Variants in CREBBP observed in about 807,000 individuals in gnomAD.
The protein encoded by CREBBP is CREB-binding protein.
In CREBBP, 19 loss-of-function variants were observed where a neutral mutation model predicts 265.0. The ratio of observed to expected loss-of-function variants is 0.07; its 90% confidence interval spans 0.05 to 0.11. CREBBP has a LOEUF of 0.11. Ranked by LOEUF, CREBBP falls within the 10% of genes least tolerant of loss-of-function variation. The pLI, the probability that CREBBP is intolerant of heterozygous loss-of-function variation, is 1.00. For missense variants in CREBBP, 2,525 were observed against 3,219.0 expected, an observed-to-expected ratio of 0.78 and a Z score of 5.22; for synonymous variants, 1,457 against 1,223.7, an observed-to-expected ratio of 1.19 and a Z score of -3.98.
At chr16:3,810,055 A>G (rs130041) in intron 3 of CREBBP, among the ~76,000 whole-genome samples, 335 of 152,306 alleles carry the variant, frequency 2.2e-3, no homozygotes, top group African/African-American at 3.8e-3. Context: ...TAATATCTTG[A>G]TTCATCAGGT....
rs1054905131 is a variant in CREBBP at position 3,727,207 on chromosome 16, G to A, written c.*511C>T. On this transcript the variant is annotated 3_prime_UTR_variant, in exon 31 of 31. Transcript: ENST00000262367. ...ATCATCCAGGGTAATACTGGGAGAC[G>A]CCCACAGAGTTCACTATAGAAAAAA... 1.2e-5 allele frequency: 3 copies of A among 248,810 alleles called. No individual in the cohort carries two copies. Among genetic ancestry groups the A allele is most frequent in the Non-Finnish European group, 2.3e-5 (3 of 128,144 alleles). 15.4% of individuals were successfully genotyped at this position (248,810 alleles called of 1,614,324 possible).
rs2141199967 is a variant in CREBBP at position 3,770,669 on chromosome 16, G to A, written c.2781C>T (p.Thr927=). Residue 927 remains threonine, a synonymous_variant, in exon 14 of 31, where the codon ACC becomes ACT. Coordinates refer to ENST00000262367, the MANE Select transcript of CREBBP (RefSeq NM_004380.3). ...GCTGAACTGGGGTTTGAGGCTGCGG[G>A]GTCACCTGGGCCTGGGCTGCTGCCT... ...TVQAAAQAQV[T]PQPQTPVQPP... 1 of 1,614,054 alleles carries A rather than the reference G, an allele frequency of 6.2e-7. No individual in the cohort carries two copies. Among genetic ancestry groups the A allele is most frequent in the South Asian group, 1.1e-5 (1 of 91,074 alleles).
At chr16:3,819,799 G>C (rs1384528899) in intron 2 of CREBBP, among the ~76,000 whole-genome samples, 10 of 151,990 alleles carry the variant, frequency 6.6e-5, no homozygotes, top group African/African-American at 2.2e-4. Context: ...AAATACCCTA[G>C]CCTAACATTC....
At chr16:3,800,415 G>A (rs12599143) in intron 3 of CREBBP, among the ~76,000 whole-genome samples, 12,525 of 152,114 alleles carry the variant, frequency 0.082, 697 homozygotes, top group East Asian at 0.29. Context: ...CATTGCACCC[G>A]GCCTTCCAGT....
chr16:3,870,892 C>T (rs1849121913), intron 1 of CREBBP, among the ~76,000 whole-genome samples: 1 of 152,070 alleles, frequency 6.6e-6, no homozygotes, highest in South Asian at 2.1e-4. Context: ...GTGGCTCCAT[C>T]TCACACCTGT....
chr16:3,730,625 AG>A (rs538735837), intron 30 of CREBBP: 261 of 161,622 alleles, frequency 1.6e-3, no homozygotes, highest in Non-Finnish European at 2.5e-3. Context: ...GAGGGAAGAA[AG>A]GCCCTCGCTC....
At chr16:3,778,242 C>T (rs2053192728) in intron 9 of CREBBP, 60 bp from the exon 10 acceptor site, 1 of 1,389,570 alleles carries the variant, frequency 7.2e-7, no homozygotes, top group East Asian at 2.3e-5. Flanking sequence ...ACTGAATGAT[C>T]TGTGTTGTAG....
intron 3 of CREBBP, among the ~76,000 whole-genome samples, chr16:3,800,394 T>C (rs1282942227): frequency 1.3e-5 from 2 of 152,184 alleles, no homozygotes; most frequent in Non-Finnish European, 2.9e-5. Context: ...GCTGGGATTA[T>C]AGCTATGAGC....
At chr16:3,803,221 GCT>G (rs1385390458) in intron 3 of CREBBP, among the ~76,000 whole-genome samples, 2 of 139,310 alleles carry the variant, frequency 1.4e-5, no homozygotes, top group Admixed American at 7.7e-5. Flanking sequence ...GGGCAAGGTG[GCT>G]CACGCCTGTA....
intron 28 of CREBBP, among the ~76,000 whole-genome samples, chr16:3,735,081 C>T (rs748926282): frequency 1.3e-5 from 2 of 152,212 alleles, no homozygotes; most frequent in Non-Finnish European, 2.9e-5. Flanking sequence ...CTTCCCCAGA[C>T]AGCCGCACAA....
rs575297081 is a variant in CREBBP at position 3,810,651 on chromosome 16, G to C, written c.927C>G (p.Thr309=). 4.3e-5 allele frequency: 70 copies of C among 1,613,740 alleles called. No homozygotes were observed. In the South Asian group the frequency reaches 6.0e-4, roughly 14 times the overall value. Residue 309 remains threonine, a synonymous_variant, in exon 3 of 31, where the codon ACC becomes ACG. Coordinates refer to ENST00000262367, the MANE Select transcript of CREBBP (RefSeq NM_004380.3). Reference sequence around the variant, plus strand: ...AAGTATTCTTGATATCTGTAGGGAAGGTGGGCAAACTGTTGACCATGCTCT... The same window carrying C: ...AAGTATTCTTGATATCTGTAGGGAACGTGGGCAAACTGTTGACCATGCTCT... ...SKQSMVNSLP[T]FPTDIKNTSV...
chr16:3,872,014 A>G (rs969006268), intron 1 of CREBBP, among the ~76,000 whole-genome samples: 1 of 152,218 alleles, frequency 6.6e-6, no homozygotes, highest in African/African-American at 2.4e-5. Flanking sequence ...CAATGGTTCA[A>G]CTAAACAGTC....
At chr16:3,860,581 A>C (rs966159448) in intron 1 of CREBBP, among the ~76,000 whole-genome samples, 2 of 152,232 alleles carry the variant, frequency 1.3e-5, no homozygotes, top group Non-Finnish European at 2.9e-5. Flanking sequence ...TAATTGGCTC[A>C]ATTTAGCCAA....
intron 2 of CREBBP, among the ~76,000 whole-genome samples, chr16:3,837,373 C>T (rs1014802458): frequency 6.6e-6 from 1 of 152,086 alleles, no homozygotes; most frequent in East Asian, 1.9e-4. Context: ...CCCAGCACTT[C>T]GGGAGGCCGA....
At chr16:3,875,671 T>C (rs1486031375) in intron 1 of CREBBP, among the ~76,000 whole-genome samples, 1 of 152,190 alleles carries the variant, frequency 6.6e-6, no homozygotes, top group African/African-American at 2.4e-5. Context: ...AGATAGAGAC[T>C]TAGAAAATAA....
intron 2 of CREBBP, among the ~76,000 whole-genome samples, chr16:3,841,552 C>G (rs924001700): frequency 6.6e-6 from 1 of 152,042 alleles, no homozygotes; most frequent in African/African-American, 2.4e-5. Flanking sequence ...GAGACTGGAG[C>G]ACTGCTTGAG....
chr16:3,746,770 C>T (rs1423157842), intron 21 of CREBBP, among the ~76,000 whole-genome samples: 5 of 152,046 alleles, frequency 3.3e-5, no homozygotes, highest in African/African-American at 9.7e-5. Flanking sequence ...AATAGGGAGA[C>T]CCCATTTCTA....
intron 2 of CREBBP, among the ~76,000 whole-genome samples, chr16:3,823,688 C>T (rs2054183619): frequency 1.3e-5 from 2 of 152,148 alleles, no homozygotes; most frequent in Non-Finnish European, 2.9e-5. Flanking sequence ...AAAGTTTAGG[C>T]AGCAAGGGAT....
At chr16:3,742,682 C>T (rs958419519) in intron 23 of CREBBP, 3 of 151,934 alleles carry the variant, frequency 2.0e-5, no homozygotes, top group African/African-American at 7.3e-5. Context: ...ATGGTGTATG[C>T]GAAGGAGATG....
Sources: allele counts gnomAD v4.1 joint callset (sites outside exome capture counted in the v4.1 genomes callset), GRCh38; gene constraint gnomAD v4.1.1; transcripts MANE v1.5; gene names NCBI Gene and HGNC (gene_info 2026-07-23, HGNC 2026-07-21).